ZNF189: variants seen among roughly 807,000 people sequenced by gnomAD.
ZNF189 encodes the protein zinc finger protein 189.
ZNF189 carries 33 observed loss-of-function variants against 53.5 expected under a neutral mutation model. The observed-to-expected ratio is 0.62, with a 90% CI of 0.47 to 0.82. The LOEUF is 0.82. ZNF189 is among the 40% of genes least tolerant of loss of function. The pLI, the probability that ZNF189 is intolerant of heterozygous loss-of-function variation, is 0.00. For missense variants in ZNF189, 711 were observed against 753.9 expected, an observed-to-expected ratio of 0.94 and a Z score of 0.67; for synonymous variants, 247 against 238.8, an observed-to-expected ratio of 1.03 and a Z score of -0.32.
intron 2 of ZNF189, among the ~76,000 whole-genome samples, chr9:101,400,992 C>A (rs1056362259): frequency 1.3e-5 from 2 of 152,186 alleles, no homozygotes; most frequent in African/African-American, 4.8e-5. Flanking sequence ...AGGTGTCCAA[C>A]CTTTCTGGGC....
At position 101,409,155 on chromosome 9, in the gene ZNF189, A is replaced by C. The variant is rs781569438; in HGVS notation, c.1387A>C (p.Lys463Gln). The C allele has an allele frequency of 6.2e-7, 1 of 1,614,150 alleles. No individual in the cohort carries two copies. The highest frequency in any genetic ancestry group is 8.5e-7 in the Non-Finnish European group (1 of 1,180,002). ...EKSYKCDECG[K>Q]TFSVSAHLVQ... Reference sequence around the variant, plus strand: ...ATCTTATAAATGTGATGAATGTGGGAAAACTTTTAGTGTTAGTGCTCATCT... The same window carrying C: ...ATCTTATAAATGTGATGAATGTGGGCAAACTTTTAGTGTTAGTGCTCATCT... Residue 463 changes from lysine (K) to glutamine (Q), a missense_variant, in exon 3 of 3, where the codon AAA becomes CAA. Coordinates refer to ENST00000339664, the MANE Select transcript of ZNF189 (RefSeq NM_003452.4).
rs776300186 is a variant in ZNF189 at position 101,399,886 on chromosome 9, G to A, written c.36G>A (p.Gly12=). The A allele has an allele frequency of 8.1e-6, 13 of 1,614,008 alleles. No individual in the cohort carries two copies. The highest frequency in any genetic ancestry group is 1.3e-5 in the African/African-American group (1 of 74,926). The change falls in exon 2 of 3, where the codon GGG becomes GGA. Residue 12 remains glycine, a splice_region_variant and synonymous_variant. Transcript: ENST00000339664. ...CTACAGAAATCATACTATTTCAGGG[G>A]TTGCTGACATTTGAGGATGTGGCTG... ...ASPSPPPESK[G]LLTFEDVAVF... is the part of the protein sequence containing the mutation.
At position 101,409,710 on chromosome 9, in the gene ZNF189, AT is replaced by A; in HGVS notation, c.*62del. ...ACTAGTACCCAAGTGCAGTTTTAGT[AT>A]GGCTCAACATGGGTCAGATTTAGTG... On this transcript the variant is annotated 3_prime_UTR_variant, in exon 3 of 3. Coordinates refer to ENST00000339664, the MANE Select transcript of ZNF189 (RefSeq NM_003452.4). 6.6e-7 allele frequency: 1 copy of A among 1,506,100 alleles called. No homozygotes were observed. The highest frequency in any genetic ancestry group is 2.3e-5 in the East Asian group (1 of 43,890). The allele number at this position is 1,506,100 out of a possible 1,614,324, so 93.3% of individuals were successfully genotyped here. A position where few individuals can be genotyped will look rare whatever the true frequency, so the allele number is the denominator to read the frequency against.
chr9:101,399,323 C>G (rs935621730), intron 1 of ZNF189, 134 bp downstream of exon 1: 13 of 1,427,398 alleles, frequency 9.1e-6, no homozygotes, highest in Non-Finnish European at 1.1e-5. Flanking sequence ...CAAGGAACTC[C>G]CCACTAGTGC....
rs748123215 is a variant in ZNF189 at position 101,409,418 on chromosome 9, C to T, written c.1650C>T (p.Ser550=). The change falls in exon 3 of 3, where the codon AGC becomes AGT. Residue 550 remains serine, a synonymous_variant. Coordinates refer to ENST00000339664, the MANE Select transcript of ZNF189 (RefSeq NM_003452.4). ...GTGATGAATGTGGAAAGGCCTTTAGCCGGAACTCGGGTCTTATTCAGCATC... is the reference window on the plus strand; with the variant it reads ...GTGATGAATGTGGAAAGGCCTTTAGTCGGAACTCGGGTCTTATTCAGCATC... ...HKCDECGKAF[S]RNSGLIQHQR... 9.3e-6 allele frequency: 15 copies of T among 1,613,922 alleles called. No individual in the cohort carries two copies. In the East Asian group the frequency reaches 2.9e-4, roughly 31 times the overall value.
At chr9:101,407,567 ATT>A in intron 2 of ZNF189, 1 of 373,004 alleles carries the variant, frequency 2.7e-6, no homozygotes, top group East Asian at 3.9e-5. Context: ...TTAAAAAAAA[ATT>A]TTTTTTTTGT....
At chr9:101,400,435 T>G (rs2777334) in intron 2 of ZNF189, among the ~76,000 whole-genome samples, 1 of 152,164 alleles carries the variant, frequency 6.6e-6, no homozygotes, top group African/African-American at 2.4e-5. Flanking sequence ...ATCCTCCTCC[T>G]TCCCCATCCT....
Position 101,399,035 on chromosome 9 carries a change from C to A in ZNF189, c.-122C>A. ...GTCTGGGGGCCGAGGCAGGCACTGG[C>A]CAGACCCAGCCAGGGATCCTCGTAT... is the stretch of plus-strand genomic sequence containing the variant. On this transcript the variant is annotated 5_prime_UTR_variant, in exon 1 of 3. Transcript: ENST00000339664. The A allele has an allele frequency of 5.1e-6, 4 of 778,012 alleles. No homozygotes were observed. Among genetic ancestry groups the A allele is most frequent in the Non-Finnish European group, 9.1e-6 (4 of 438,496 alleles). The allele number at this position is 778,012 out of a possible 1,614,324, so 48.2% of individuals were successfully genotyped here.
At chr9:101,402,223 T>G (rs1018282249) in intron 2 of ZNF189, among the ~76,000 whole-genome samples, 5 of 152,196 alleles carry the variant, frequency 3.3e-5, no homozygotes, top group South Asian at 2.1e-4. Flanking sequence ...GCCCAAATCT[T>G]TATTTCCACC....
chr9:101,406,075 C>T (rs1830700958), intron 2 of ZNF189, among the ~76,000 whole-genome samples: 1 of 151,154 alleles, frequency 6.6e-6, no homozygotes, highest in Non-Finnish European at 1.5e-5. Flanking sequence ...AAAAAAATGC[C>T]CGTTTTATTT....
At chr9:101,401,760 T>G (rs1830543340) in intron 2 of ZNF189, among the ~76,000 whole-genome samples, 1 of 152,212 alleles carries the variant, frequency 6.6e-6, no homozygotes, top group Non-Finnish European at 1.5e-5. Flanking sequence ...TAGACTCTTT[T>G]GGGACCTTAT....
intron 2 of ZNF189, among the ~76,000 whole-genome samples, chr9:101,406,356 T>C (rs1830710187): frequency 6.6e-6 from 1 of 152,176 alleles, no homozygotes; most frequent in South Asian, 2.1e-4. Flanking sequence ...AAAGACGGGA[T>C]AATTAAGCAA....
chr9:101,399,379 T>C (rs1830445797), intron 1 of ZNF189, 190 bp downstream of exon 1: 6 of 1,379,176 alleles, frequency 4.4e-6, no homozygotes, highest in Non-Finnish European at 5.6e-6. Flanking sequence ...CTCCCTTTTT[T>C]TTTTTCTTTT....
chr9:101,403,924 T>A (rs1029311004), intron 2 of ZNF189, among the ~76,000 whole-genome samples: 2 of 152,262 alleles, frequency 1.3e-5, no homozygotes, highest in African/African-American at 2.4e-5. Context: ...GACGGTTTAG[T>A]CTTTTCTCCT....
chr9:101,407,567 A>T lies in ZNF189; in HGVS notation c.161-362A>T, dbSNP rs184881479. The stretch of plus-strand genomic sequence containing the variant: ...ACCATGTCTGGCTAATTAAAAAAAA[A>T]TTTTTTTTTTGTAGAGATGAAGTCT... On this transcript the variant is annotated intron_variant, in intron 2 of 2. Transcript: ENST00000339664. 612 of 372,904 alleles carry T rather than the reference A, an allele frequency of 1.6e-3. 3 individuals are homozygous for T. The highest frequency in any genetic ancestry group is 9.2e-3 in the South Asian group (72 of 7,848). The allele number at this position is 372,904 out of a possible 1,614,324, so 23.1% of individuals were successfully genotyped here. A position where few individuals can be genotyped will look rare whatever the true frequency, so the allele number is the denominator to read the frequency against.
chr9:101,401,647 G>A (rs1365053029), intron 2 of ZNF189, among the ~76,000 whole-genome samples: 1 of 152,124 alleles, frequency 6.6e-6, no homozygotes, highest in Non-Finnish European at 1.5e-5. Flanking sequence ...TGTGTGTTCT[G>A]TATTTCTTTA....
rs1830777960 is a variant in ZNF189 at position 101,408,071 on chromosome 9, T to G, written c.303T>G (p.Phe101Leu). The change falls in exon 3 of 3, where the codon TTT (phenylalanine) becomes TTG (leucine). Residue 101 changes from phenylalanine to leucine, a missense_variant. Coordinates refer to ENST00000339664, the MANE Select transcript of ZNF189 (RefSeq NM_003452.4). ...AGGATCCTATGGGTAGAGAAACATT[T>G]GAACTTGTTGGTAGGTTAGATAAAC... is the stretch of plus-strand genomic sequence containing the variant. The part of the protein sequence containing the change: ...IDQDPMGRET[F>L]ELVGRLDKQR... 6.2e-7 allele frequency: 1 copy of G among 1,614,034 alleles called. No homozygotes were observed. The highest frequency in any genetic ancestry group is 8.5e-7 in the Non-Finnish European group (1 of 1,179,986).
chr9:101,405,744 CA>C (rs1252361505), intron 2 of ZNF189, among the ~76,000 whole-genome samples: 1 of 152,064 alleles, frequency 6.6e-6, no homozygotes. Flanking sequence ...GGGTGGTCAA[CA>C]GTGTTAGATG....
Position 101,408,048 on chromosome 9 carries a change from G to T in ZNF189, c.280G>T (p.Asp94Tyr), listed in dbSNP as rs1175324470. ...VTRIKSEIDQ[D>Y]PMGRETFELV... is the part of the protein sequence containing the mutation. Reference sequence around the variant, plus strand: ...AAGAATCAAAAGTGAAATTGACCAGGATCCTATGGGTAGAGAAACATTTGA... The same window carrying T: ...AAGAATCAAAAGTGAAATTGACCAGTATCCTATGGGTAGAGAAACATTTGA... The change falls in exon 3 of 3, where the codon GAT (aspartate) becomes TAT (tyrosine). Residue 94 changes from aspartate to tyrosine, a missense_variant. Transcript: ENST00000339664. The T allele has an allele frequency of 1.2e-6, 2 of 1,613,832 alleles. No individual in the cohort carries two copies. The highest frequency in any genetic ancestry group is 2.2e-5 in the East Asian group (1 of 44,856).
Sources: gnomAD v4.1 joint callset for allele counts (sites outside exome capture counted in the v4.1 genomes callset) on GRCh38, gnomAD v4.1.1 for gene constraint, MANE v1.5 for transcripts, NCBI Gene and HGNC (gene_info 2026-07-23, HGNC 2026-07-21) for gene names.